The following NF1 variants were observed in gnomAD, a reference collection of about 807,000 sequenced individuals.
NF1 encodes the protein neurofibromin.
In NF1, 122 loss-of-function variants were observed where a neutral mutation model predicts 325.7. That is an observed-to-expected ratio of 0.37 (90% CI 0.32 to 0.44). The LOEUF (loss-of-function observed/expected upper bound fraction) is 0.44, where lower values mean the gene tolerates loss of function less well. NF1 is among the 20% of genes least tolerant of loss of function. The probability of loss-of-function intolerance (pLI) is 1.00; values close to 1 mark genes in which losing one functional copy is unlikely to be tolerated. For missense variants in NF1, 2,140 were observed against 3,415.4 expected, an observed-to-expected ratio of 0.63 and a Z score of 9.31; for synonymous variants, 1,091 against 1,186.0, an observed-to-expected ratio of 0.92 and a Z score of 1.65.
At chr17:31,153,576 C>T (rs1917097044) in intron 1 of NF1, among the ~76,000 whole-genome samples, 1 of 152,162 alleles carries the variant, frequency 6.6e-6, no homozygotes, top group Admixed American at 6.5e-5. Flanking sequence ...TAGACATTCT[C>T]CTTCCACCTG....
chr17:31,210,452 G>A (rs1258094823), intron 12 of NF1, among the ~76,000 whole-genome samples: 1 of 152,110 alleles, frequency 6.6e-6, no homozygotes, highest in Non-Finnish European at 1.5e-5. Context: ...AGGCGTGGTG[G>A]CAGGCACTTG....
chr17:31,360,772 T>C, intron 57 of NF1, 69 bp downstream of exon 57: 1 of 1,405,060 alleles, frequency 7.1e-7, no homozygotes. Flanking sequence ...AATTCCCTTG[T>C]GATCAGTTTA....
At chr17:31,363,120 T>A (rs532476812) in intron 57 of NF1, among the ~76,000 whole-genome samples, 24 of 152,344 alleles carry the variant, frequency 1.6e-4, no homozygotes, top group South Asian at 1.2e-3. Flanking sequence ...GTAATAGAGT[T>A]AAGTGGTATT....
chr17:31,195,420 G>A (rs1473902796), intron 8 of NF1, among the ~76,000 whole-genome samples: 3 of 152,026 alleles, frequency 2.0e-5, no homozygotes, highest in Admixed American at 2.0e-4. Flanking sequence ...TACCATCTTA[G>A]CCATTTTTAA....
rs148722249 is a variant in NF1, at chr17:31,195,379, G to A, written c.889-5043G>A. Reference sequence around the variant, plus strand: ...AGTTTTTCTGTCTCTTTAAAATTTTGTATGCGGTAAAATGCACGTAACATC... The same window carrying A: ...AGTTTTTCTGTCTCTTTAAAATTTTATATGCGGTAAAATGCACGTAACATC... On this transcript the variant is annotated intron_variant, in intron 8 of 57. Coordinates refer to ENST00000358273, the MANE Select transcript of NF1 (RefSeq NM_001042492.3). Among the ~76,000 whole-genome samples, 78 of 152,064 alleles carry A rather than the reference G, an allele frequency of 5.1e-4. 3 individuals are homozygous for A. In the East Asian group the frequency reaches 0.015, roughly 29 times the overall value.
At chr17:31,246,841 C>G (rs376634601) in intron 29 of NF1, among the ~76,000 whole-genome samples, 7 of 152,156 alleles carry the variant, frequency 4.6e-5, no homozygotes, top group African/African-American at 1.7e-4. Flanking sequence ...CCTAGTAAGT[C>G]TGCCTGCGGA....
intron 10 of NF1, 59 bp downstream of exon 10, chr17:31,201,218 A>G: frequency 1.2e-6 from 2 of 1,601,498 alleles, no homozygotes; most frequent in South Asian, 1.1e-5. Flanking sequence ...TTTATAAACA[A>G]AAAGACTATA....
At chr17:31,370,515 T>G (rs1199460674) in intron 57 of NF1, among the ~76,000 whole-genome samples, 1 of 152,176 alleles carries the variant, frequency 6.6e-6, no homozygotes, top group East Asian at 1.9e-4. Context: ...ATAAGGCCTT[T>G]AAAATTATTT....
In NF1 at chr17:31,340,597, T is replaced by C. The variant is rs1309666510; in HGVS notation, c.7014T>C (p.Leu2338=). Residue 2338 remains leucine, a synonymous_variant, in exon 47 of 58, where the codon CTT becomes CTC. Transcript: ENST00000358273. The part of the protein sequence containing the change: ...VNLYSAGTAL[L]EQNLHTLDSL... ...TGTATTCAGCAGGTACCGCACTTCT[T>C]GAACAAAACCTGCATACTTTAGATA... The C allele has an allele frequency of 1.2e-6, 2 of 1,614,142 alleles. No homozygotes were observed. Among genetic ancestry groups the C allele is most frequent in the African/African-American group, 2.7e-5 (2 of 75,042 alleles).
Position 31,376,561 on chromosome 17 carries a change from G to A in NF1, c.*2406G>A, listed in dbSNP as rs947448934. 10 of 232,718 alleles carry A rather than the reference G, an allele frequency of 4.3e-5. No homozygotes were observed. The highest frequency in any genetic ancestry group is 7.6e-5 in the Non-Finnish European group (9 of 117,834). The allele number at this position is 232,718 out of a possible 1,614,324, so 14.4% of individuals were successfully genotyped here. A position where few individuals can be genotyped will look rare whatever the true frequency, so the allele number is the denominator to read the frequency against. ...ATCTAGCTTTCCAAGTAACTAAAAT[G>A]TACATGAGATAAACCTCTCACCACT... On this transcript the variant is annotated 3_prime_UTR_variant, in exon 58 of 58. Transcript: ENST00000358273.
chr17:31,177,704 T>G (rs1412235180), intron 5 of NF1, among the ~76,000 whole-genome samples: 1 of 151,654 alleles, frequency 6.6e-6, no homozygotes, highest in East Asian at 1.9e-4. Context: ...AAATACAGCA[T>G]GAGAACTTCG....
chr17:31,243,273 G>A (rs2067336178), intron 29 of NF1, among the ~76,000 whole-genome samples: 1 of 151,246 alleles, frequency 6.6e-6, no homozygotes, highest in Non-Finnish European at 1.5e-5. Context: ...CCAGCACTGG[G>A]AGTGCACTGG....
At chr17:31,196,109 A>G (rs1254560843) in intron 8 of NF1, among the ~76,000 whole-genome samples, 11 of 152,186 alleles carry the variant, frequency 7.2e-5, no homozygotes, top group South Asian at 2.1e-4. Context: ...ATTTTGTACA[A>G]TTATATAAAG....
intron 36 of NF1, among the ~76,000 whole-genome samples, chr17:31,270,752 T>C (rs2067878563): frequency 6.6e-6 from 1 of 152,256 alleles, no homozygotes; most frequent in Admixed American, 6.5e-5. Flanking sequence ...CTAAGTGCTT[T>C]CTCTGCATCA....
chr17:31,263,687 G>T (rs2067733986), intron 35 of NF1, among the ~76,000 whole-genome samples: 3 of 151,126 alleles, frequency 2.0e-5, no homozygotes, highest in South Asian at 2.1e-4. Flanking sequence ...ATAGTATCTG[G>T]TACTTGTAAA....
At chr17:31,240,135 G>A (rs892957989) in intron 29 of NF1, among the ~76,000 whole-genome samples, 7 of 152,064 alleles carry the variant, frequency 4.6e-5, no homozygotes, top group Non-Finnish European at 8.8e-5. Flanking sequence ...ATAAGTTCTT[G>A]TTGACTGTAG....
intron 1 of NF1, among the ~76,000 whole-genome samples, chr17:31,147,262 G>C (rs563834705): frequency 6.6e-6 from 1 of 152,120 alleles, no homozygotes; most frequent in Non-Finnish European, 1.5e-5. Flanking sequence ...GATCTATCCT[G>C]ACTTCTAAAA....
At chr17:31,321,464 G>T (rs958545900) in intron 36 of NF1, 1 of 152,104 alleles carries the variant, frequency 6.6e-6, no homozygotes, top group Non-Finnish European at 1.5e-5. Context: ...AAGTGAAAAG[G>T]CATAAGAAAA....
At chr17:31,101,654 T>C (rs977955463) in intron 1 of NF1, among the ~76,000 whole-genome samples, 3 of 152,196 alleles carry the variant, frequency 2.0e-5, no homozygotes, top group African/African-American at 7.2e-5. Context: ...CTGAATGCTT[T>C]AATTCCTCCT....
Sources: gnomAD v4.1 joint callset for allele counts (sites outside exome capture counted in the v4.1 genomes callset) on GRCh38, gnomAD v4.1.1 for gene constraint, MANE v1.5 for transcripts, NCBI Gene and HGNC (gene_info 2026-07-23, HGNC 2026-07-21) for gene names.